Variants in SGCZ observed in about 807,000 individuals in gnomAD.
SGCZ encodes the protein zeta-sarcoglycan.
A neutral mutation model predicts 41.3 loss-of-function variants in SGCZ; 40 were observed. The ratio of observed to expected loss-of-function variants is 0.97; its 90% CI spans 0.75 to 1.26. The LOEUF is 1.26. Among genes scored for constraint, SGCZ ranks in the 50% most tolerant of loss-of-function variants. The pLI is 0.00. For synonymous variants in SGCZ, 206 were observed against 137.5 expected, an observed-to-expected ratio of 1.50 and a Z score of -3.49; for missense variants, 552 against 369.8, an observed-to-expected ratio of 1.49 and a Z score of -4.04.
intron 2 of SGCZ, among the ~76,000 whole-genome samples, chr8:14,507,106 A>G (rs1802328425): frequency 7.5e-6 from 1 of 133,778 alleles, no homozygotes; most frequent in Non-Finnish European, 1.5e-5. Context: ...TTAACATGCC[A>G]AAAACTAATC....
At chr8:15,168,086 A>G (rs1039565433) in intron 1 of SGCZ, among the ~76,000 whole-genome samples, 2 of 152,182 alleles carry the variant, frequency 1.3e-5, no homozygotes. Flanking sequence ...CTCTTGTTGG[A>G]GGAGGACTCA....
At chr8:14,206,595 T>C (rs1805623407) in intron 4 of SGCZ, among the ~76,000 whole-genome samples, 1 of 152,184 alleles carries the variant, frequency 6.6e-6, no homozygotes, top group Non-Finnish European at 1.5e-5. Flanking sequence ...CCTGGAAATT[T>C]ATGATGTGAC....
At chr8:14,726,742 C>T (rs896632285) in intron 1 of SGCZ, among the ~76,000 whole-genome samples, 2 of 151,836 alleles carry the variant, frequency 1.3e-5, no homozygotes, top group Admixed American at 6.6e-5. Flanking sequence ...AAACCTGCAA[C>T]AATATGATGT....
At chr8:14,115,712 A>AT (rs1472906622) in intron 5 of SGCZ, among the ~76,000 whole-genome samples, 2 of 151,572 alleles carry the variant, frequency 1.3e-5, no homozygotes. Flanking sequence ...AACCTCTATC[A>AT]TTAATCCAGT....
chr8:14,617,858 G>GAA (rs1554466111), intron 1 of SGCZ, among the ~76,000 whole-genome samples: 1 of 151,114 alleles, frequency 6.6e-6, no homozygotes, highest in African/African-American at 2.4e-5. Context: ...TTATGTGTGT[G>GAA]TGTGTGTGTG....
chr8:14,438,159 AC>A (rs1800145703), intron 2 of SGCZ, among the ~76,000 whole-genome samples: 2 of 152,030 alleles, frequency 1.3e-5, no homozygotes, highest in African/African-American at 4.8e-5. Flanking sequence ...TTAATTTCAA[AC>A]TTTAGCATGT....
At chr8:14,987,751 T>C (rs546144818) in intron 1 of SGCZ, among the ~76,000 whole-genome samples, 1 of 152,130 alleles carries the variant, frequency 6.6e-6, no homozygotes, top group Admixed American at 6.6e-5. Flanking sequence ...ACACTTTTAA[T>C]TTGAAGTTGT....
chr8:14,174,249 CA>C (rs1804476191), intron 4 of SGCZ, among the ~76,000 whole-genome samples: 1 of 152,056 alleles, frequency 6.6e-6, no homozygotes, highest in African/African-American at 2.4e-5. Context: ...TTAATCAAGA[CA>C]CTGTGATATT....
chr8:14,205,622 T>C (rs1200914935), intron 4 of SGCZ, among the ~76,000 whole-genome samples: 2 of 152,184 alleles, frequency 1.3e-5, no homozygotes, highest in African/African-American at 2.4e-5. Flanking sequence ...AAGCAAACTA[T>C]ATAATCCAAT....
intron 1 of SGCZ, among the ~76,000 whole-genome samples, chr8:14,604,321 G>T (rs910985861): frequency 2.0e-5 from 3 of 152,094 alleles, no homozygotes; most frequent in Non-Finnish European, 4.4e-5. Context: ...GAGAGAAATT[G>T]TGAGGCCTAG....
At chr8:15,172,660 C>T (rs1293196589) in intron 1 of SGCZ, among the ~76,000 whole-genome samples, 3 of 152,124 alleles carry the variant, frequency 2.0e-5, no homozygotes, top group African/African-American at 4.8e-5. Context: ...AAAGGAGTGA[C>T]TTCCTAACCA....
chr8:14,177,958 C>CT (rs147303437), intron 4 of SGCZ, among the ~76,000 whole-genome samples: 226 of 95,058 alleles, frequency 2.4e-3, no homozygotes, highest in African/African-American at 3.2e-3. Context: ...CTTTTTTTTT[C>CT]TTTTTTTTTT....
chr8:14,649,639 G>T (rs1025697082), intron 1 of SGCZ, among the ~76,000 whole-genome samples: 1 of 149,326 alleles, frequency 6.7e-6, no homozygotes, highest in Non-Finnish European at 1.5e-5. Context: ...AGCTCGTTAA[G>T]TTTTCAGTTA....
At chr8:14,639,027 G>A (rs74435630) in intron 1 of SGCZ, among the ~76,000 whole-genome samples, 16,029 of 143,604 alleles carry the variant, frequency 0.11, 1,056 homozygotes, top group African/African-American at 0.2. Flanking sequence ...AATACACTAA[G>A]AAACTGGAAT....
intron 1 of SGCZ, among the ~76,000 whole-genome samples, chr8:14,643,515 A>T (rs1807094829): frequency 6.6e-6 from 1 of 151,534 alleles, no homozygotes; most frequent in African/African-American, 2.4e-5. Context: ...GAAGAAAGAA[A>T]GGTCAGGGAG....
intron 1 of SGCZ, among the ~76,000 whole-genome samples, chr8:15,140,633 C>T (rs1012652199): frequency 1.3e-5 from 2 of 152,114 alleles, no homozygotes; most frequent in Non-Finnish European, 2.9e-5. Flanking sequence ...TTTTCTTCTA[C>T]AATAATTTTA....
chr8:14,202,997 G>A lies in SGCZ; in HGVS notation c.424+34595C>T, dbSNP rs1027736090. On this transcript the variant is annotated intron_variant, in intron 4 of 7. Transcript: ENST00000382080. ...ATAGTAAATGAATCTCAGAAGATAC[G>A]ATGGTTTTAAAAATGGGAGTTTCCC... 2.0e-5 allele frequency among the ~76,000 whole-genome samples: 3 copies of A among 152,126 alleles called. 1 individual carries two copies. Among genetic ancestry groups the A allele is most frequent in the Non-Finnish European group, 4.4e-5 (3 of 68,016 alleles).
intron 5 of SGCZ, among the ~76,000 whole-genome samples, chr8:14,116,591 A>C (rs571337003): frequency 3.6e-4 from 55 of 152,118 alleles, no homozygotes; most frequent in Non-Finnish European, 6.5e-4. Flanking sequence ...GAGAATCAGA[A>C]CATGTGTGTT....
At chr8:14,789,300 G>T (rs949112712) in intron 1 of SGCZ, among the ~76,000 whole-genome samples, 1 of 152,132 alleles carries the variant, frequency 6.6e-6, no homozygotes, top group Non-Finnish European at 1.5e-5. Context: ...TAGAATGTCT[G>T]CCTCATTCAA....
Sources: allele counts gnomAD v4.1 joint callset (sites outside exome capture counted in the v4.1 genomes callset), GRCh38; gene constraint gnomAD v4.1.1; transcripts MANE v1.5; gene names NCBI Gene and HGNC (gene_info 2026-07-23, HGNC 2026-07-21).